MAF: variants seen among roughly 807,000 people sequenced by gnomAD.
MAF encodes the protein transcription factor Maf.
MAF carries 10 observed loss-of-function variants against 22.0 expected under a neutral mutation model. That is an observed-to-expected ratio of 0.45 (90% CI 0.28 to 0.77). MAF has a LOEUF of 0.77. MAF is among the 30% of genes least tolerant of loss of function. The pLI is 0.12. For synonymous variants in MAF, 337 were observed against 255.8 expected, an observed-to-expected ratio of 1.32 and a Z score of -3.03; for missense variants, 544 against 548.4, an observed-to-expected ratio of 0.99 and a Z score of 0.08.
the MAF span, among the ~76,000 whole-genome samples, chr16:79,558,007 G>A: frequency 6.6e-6 from 1 of 151,838 alleles, no homozygotes; most frequent in Non-Finnish European, 1.5e-5. Context: ...AAATGGTTCA[G>A]GGGAAGCACA....
At chr16:79,361,844 C>T in the MAF span, among the ~76,000 whole-genome samples, 1 of 152,092 alleles carries the variant, frequency 6.6e-6, no homozygotes, top group Non-Finnish European at 1.5e-5. Context: ...AAAGTCCAGG[C>T]TGTTACAGAG....
At chr16:79,241,150 A>G in the MAF span, among the ~76,000 whole-genome samples, 1 of 151,976 alleles carries the variant, frequency 6.6e-6, no homozygotes, top group Non-Finnish European at 1.5e-5. Context: ...AAGGATCACA[A>G]CTCTTCCCCA....
the MAF span, among the ~76,000 whole-genome samples, chr16:79,511,169 T>C: frequency 6.6e-6 from 1 of 152,146 alleles, no homozygotes; most frequent in Non-Finnish European, 1.5e-5. Flanking sequence ...AATTGCCTTA[T>C]TTACCTTTTC....
At chr16:79,214,859 CACA>C in the MAF span, among the ~76,000 whole-genome samples, 1 of 151,346 alleles carries the variant, frequency 6.6e-6, no homozygotes, top group Admixed American at 6.6e-5. Flanking sequence ...TACAGGTGCC[CACA>C]ACCACACCTG....
chr16:79,399,951 A>T, the MAF span, among the ~76,000 whole-genome samples: 2 of 152,200 alleles, frequency 1.3e-5, no homozygotes, highest in Non-Finnish European at 2.9e-5. Flanking sequence ...CCAAATGTAA[A>T]CTTAACCCTG....
the MAF span, among the ~76,000 whole-genome samples, chr16:79,224,827 G>A: frequency 6.6e-6 from 1 of 152,118 alleles, no homozygotes; most frequent in Non-Finnish European, 1.5e-5. Context: ...ACCTCTTCAA[G>A]GAGAACTACA....
chr16:79,397,659 G>C, the MAF span, among the ~76,000 whole-genome samples: 1 of 152,198 alleles, frequency 6.6e-6, no homozygotes, highest in Non-Finnish European at 1.5e-5. Context: ...GGGCTTGCTA[G>C]TTCCCTGCCC....
At chr16:79,411,939 T>C in the MAF span, among the ~76,000 whole-genome samples, 1 of 152,146 alleles carries the variant, frequency 6.6e-6, no homozygotes. Flanking sequence ...AGATGGTGTC[T>C]GGATGGTATG....
the MAF span, among the ~76,000 whole-genome samples, chr16:79,526,140 G>A: frequency 6.6e-6 from 1 of 152,162 alleles, no homozygotes; most frequent in Non-Finnish European, 1.5e-5. Flanking sequence ...ACCAACTGTC[G>A]GTTCTGAGAA....
At chr16:79,412,492 C>A in the MAF span, among the ~76,000 whole-genome samples, 1 of 152,170 alleles carries the variant, frequency 6.6e-6, no homozygotes, top group African/African-American at 2.4e-5. Context: ...AATTTATCCA[C>A]CTGGGCACTG....
the MAF span, among the ~76,000 whole-genome samples, chr16:79,449,891 A>T: frequency 2.0e-5 from 3 of 152,228 alleles, no homozygotes; most frequent in Non-Finnish European, 4.4e-5. Flanking sequence ...GAATTTCAGC[A>T]GCGGCTATGC....
chr16:79,596,043 T>G (rs1597843199), intron 1 of MAF: 1 of 1,061,754 alleles, frequency 9.4e-7, no homozygotes, highest in Admixed American at 5.4e-5. Flanking sequence ...TCAACTTTAG[T>G]GAAAAGGCAA....
the MAF span, among the ~76,000 whole-genome samples, chr16:79,399,644 A>G: frequency 6.6e-6 from 1 of 152,148 alleles, no homozygotes; most frequent in African/African-American, 2.4e-5. Flanking sequence ...AGAAGAGGGT[A>G]GAAAGAACCA....
the MAF span, among the ~76,000 whole-genome samples, chr16:79,213,929 A>C: frequency 2.0e-5 from 3 of 152,140 alleles, no homozygotes; most frequent in East Asian, 3.9e-4. Context: ...GTCTCCAGCT[A>C]CCTCTCTAAT....
At chr16:79,426,781 G>T in the MAF span, among the ~76,000 whole-genome samples, 1 of 152,222 alleles carries the variant, frequency 6.6e-6, no homozygotes, top group Non-Finnish European at 1.5e-5. Flanking sequence ...TTAGACAAAG[G>T]GTGGTTTTTC....
the MAF span, among the ~76,000 whole-genome samples, chr16:79,485,246 T>C: frequency 1.4e-3 from 217 of 152,320 alleles, no homozygotes; most frequent in African/African-American, 4.9e-3. Flanking sequence ...CTCAGTTTTC[T>C]CACCTTTAAA....
At position 79,587,200 on chromosome 16, in the gene MAF, C is replaced by T. The variant is rs146233595; in HGVS notation, c.1119-1259G>A. Among the ~76,000 whole-genome samples the T allele has an allele frequency of 2.6e-5, 4 of 152,314 alleles. No individual in the cohort carries two copies. The East Asian group carries it at 5.8e-4, about 22-fold the overall frequency. ...TAAACACGTTATATGCGTTTATTCA[C>T]ATTTTGTATAGAAATGCTTTTCAAA... On this transcript the variant is annotated intron_variant, in intron 1 of 1. Coordinates refer to the MAF transcript ENST00000569649.
chr16:79,585,416 G>A (rs1249431155), downstream of MAF, among the ~76,000 whole-genome samples: 3 of 151,958 alleles, frequency 2.0e-5, no homozygotes, highest in Non-Finnish European at 2.9e-5. Context: ...TGAATTATAA[G>A]TGACTGTAAA....
chr16:79,275,259 G>C, the MAF span, among the ~76,000 whole-genome samples: 2 of 152,142 alleles, frequency 1.3e-5, no homozygotes, highest in Admixed American at 6.5e-5. Flanking sequence ...AGGAGGCTGA[G>C]GCAGAAGAAT....
Sources: allele counts gnomAD v4.1 joint callset (sites outside exome capture counted in the v4.1 genomes callset), GRCh38; gene constraint gnomAD v4.1.1; transcripts MANE v1.5; gene names NCBI Gene and HGNC (gene_info 2026-07-23, HGNC 2026-07-21).